Variants in NEU1 observed in about 807,000 individuals in gnomAD.
The protein encoded by NEU1 is neuraminidase 1.
In NEU1, 32 loss-of-function variants were observed where a neutral mutation model predicts 38.3. The observed-to-expected ratio is 0.84, with a 90% confidence interval of 0.63 to 1.12. NEU1 has a LOEUF of 1.12. Among genes scored for constraint, NEU1 ranks in the 50% most tolerant of loss-of-function variants. The pLI, the probability that NEU1 is intolerant of heterozygous loss-of-function variation, is 0.00. For missense variants in NEU1, 431 were observed against 549.2 expected (o/e 0.78, Z 2.15); for synonymous variants, 192 against 225.2 (o/e 0.85, Z 1.32).
chr6:31,862,810 G>C lies in NEU1; in HGVS notation c.-34C>G, dbSNP rs1051088449. 3.1e-6 allele frequency: 5 copies of C among 1,611,536 alleles called. No homozygotes were observed. The highest frequency in any genetic ancestry group is 2.2e-5 in the East Asian group (1 of 44,874). On this transcript the variant is annotated 5_prime_UTR_variant, in exon 1 of 6. Coordinates refer to ENST00000375631, the MANE Select transcript of NEU1 (RefSeq NM_000434.4). The surrounding 1 kb of genome is among the most constrained non-coding windows in gnomAD (Gnocchi z 6.3). ...GCAGCTGCCGCGACCCTGGCAGCTA[G>C]ACTCCACAGAGTCGGGAGTCAGCTG...
chr6:31,860,012 C>T lies in NEU1; in HGVS notation c.1021+30G>A, dbSNP rs774767826. On this transcript the variant is annotated intron_variant, in intron 5 of 5. Transcript: ENST00000375631. The surrounding 1 kb of genome is among the most constrained non-coding windows in gnomAD (Gnocchi z 4.8). ...AGGCCTTGTCTAGACACAGGGCTCT[C>T]CCTGCTGACCCCACCCATGAGGCAC... The T allele has an allele frequency of 6.2e-7, 1 of 1,612,806 alleles. No individual in the cohort carries two copies. The highest frequency in any genetic ancestry group is 2.2e-5 in the East Asian group (1 of 44,874).
chr6:31,862,621 A>G lies in NEU1; in HGVS notation c.156T>C (p.Gly52=), dbSNP rs770832801. The G allele has an allele frequency of 1.1e-4, 178 of 1,612,950 alleles. No homozygotes were observed. Among genetic ancestry groups the G allele is most frequent in the Non-Finnish European group, 1.4e-4 (168 of 1,180,032 alleles). The change falls in exon 1 of 6, where the codon GGT becomes GGC. Residue 52 remains glycine (G), a synonymous_variant. Coordinates refer to ENST00000375631, the MANE Select transcript of NEU1 (RefSeq NM_000434.4). This position sits in a 1 kb window ranked among gnomAD's most constrained non-coding sequence, Gnocchi z 6.3. ...ASWSKAENDF[G]LVQPLVTMEQ... ...GGCTATGCAAAGGGTGACTCACCAG[A>G]CCGAAGTCGTTCTCAGCCTTGGACC...
rs2151547234 is a variant in NEU1 at position 31,862,568 on chromosome 6, G to A, written c.159+50C>T. On this transcript the variant is annotated intron_variant, in intron 1 of 5. Coordinates refer to ENST00000375631, the MANE Select transcript of NEU1 (RefSeq NM_000434.4). The surrounding 1 kb of genome is among the most constrained non-coding windows in gnomAD (Gnocchi z 6.3). ...GCCCGCGTTCCGGGGGACACTAGGT[G>A]TCGATCACCTGCGCGGGTCGGGGAT... 1 of 1,612,584 alleles carries A rather than the reference G, an allele frequency of 6.2e-7. No individual in the cohort carries two copies. Among genetic ancestry groups the A allele is most frequent in the South Asian group, 1.1e-5 (1 of 91,060 alleles).
intron 2 of NEU1, 110 bp downstream of exon 2, chr6:31,861,889 G>T (rs1581822854): frequency 8.1e-7 from 1 of 1,230,048 alleles, no homozygotes; most frequent in Non-Finnish European, 1.2e-6. Context: ...ACCCCTCAGG[G>T]ACTCAGGCAA....
Position 31,862,031 on chromosome 6 carries a change from T to G in NEU1, c.320A>C (p.Lys107Thr). 1 of 1,613,068 alleles carries G rather than the reference T, an allele frequency of 6.2e-7. No individual in the cohort carries two copies. The highest frequency in any genetic ancestry group is 8.5e-7 in the Non-Finnish European group (1 of 1,180,022). ...CATGGACCTCCGCAGGGCGATGAAC[T>G]TGGCCCCCTCATCGGATGAGGACAT... ...RKMSSSDEGAKFIALRRSMDQ... is the reference protein window; with the variant it reads ...RKMSSSDEGATFIALRRSMDQ... Residue 107 changes from lysine (K) to threonine (T), a missense_variant, in exon 2 of 6, where the codon AAG becomes ACG. Transcript: ENST00000375631. This position sits in a 1 kb window ranked among gnomAD's most constrained non-coding sequence, Gnocchi z 6.3.
In NEU1 at chr6:31,860,045, A is replaced by G. The variant is rs1554252284; in HGVS notation, c.1018T>C (p.Phe340Leu). Residue 340 changes from phenylalanine (F) to leucine (L), a missense_variant, in exon 5 of 6, where the codon TTC (phenylalanine) becomes CTC (leucine). Transcript: ENST00000375631. The surrounding 1 kb of genome is among the most constrained non-coding windows in gnomAD (Gnocchi z 4.8). ...ACCCCACCCATGAGGCACTCACGGA[A>G]CTCTGGATGTGCTGGGTTGGAGAAG... ...VFFSNPAHPE[F>L]RVNLTLRWSF... 6.2e-7 allele frequency: 1 copy of G among 1,612,744 alleles called. No individual in the cohort carries two copies. Among genetic ancestry groups the G allele is most frequent in the East Asian group, 2.2e-5 (1 of 44,854 alleles).
Position 31,862,077 on chromosome 6 carries a change from C to T in NEU1, c.274G>A (p.Ala92Thr), listed in dbSNP as rs1242371867. The change falls in exon 2 of 6, where the codon GCC becomes ACC. Residue 92 changes from alanine (A) to threonine (T), a missense_variant. Physicochemically the swap from Ala to Thr is moderately conservative, Grantham distance 58. Coordinates refer to ENST00000375631, the MANE Select transcript of NEU1 (RefSeq NM_000434.4). The surrounding 1 kb of genome is among the most constrained non-coding windows in gnomAD (Gnocchi z 6.3). ...ITATPRGTLL[A>T]FAEARKMSSS... ...GACATTTTCCTCGCCTCAGCAAAGG[C>T]GAGAAGAGTGCCCCGCGGAGTGGCT... 4 of 1,612,960 alleles carry T rather than the reference C, an allele frequency of 2.5e-6. No individual in the cohort carries two copies. The highest frequency in any genetic ancestry group is 3.4e-6 in the Non-Finnish European group (4 of 1,180,038).
chr6:31,860,163 AT>A lies in NEU1; in HGVS notation c.899del (p.Asp300ValfsTer3). On this transcript the variant is annotated frameshift_variant, in exon 5 of 6. Transcript: ENST00000375631. LOFTEE classifies it high-confidence loss of function. The surrounding 1 kb of genome is among the most constrained non-coding windows in gnomAD (Gnocchi z 4.8). The part of the protein sequence containing the change: ...RIVLRSYDAC[D>X]TLRPRDVTFD... The stretch of plus-strand genomic sequence containing the variant: ...AGGTCACATCACGGGGCCTTAGTGT[AT>A]CACAGGCATCATAGCTGCGGAGGAC... 1 of 1,613,012 alleles carries A rather than the reference AT, an allele frequency of 6.2e-7. No homozygotes were observed. Among genetic ancestry groups the A allele is most frequent in the Non-Finnish European group, 8.5e-7 (1 of 1,180,014 alleles).
rs1762407019 is a variant in NEU1 at position 31,859,246 on chromosome 6, TTTGA to T, written c.*469_*472del. On this transcript the variant is annotated 3_prime_UTR_variant, in exon 6 of 6. Coordinates refer to ENST00000375631, the MANE Select transcript of NEU1 (RefSeq NM_000434.4). ...ATTAAAAATTTTAAGTTACAAACAT[TTTGA>T]TTGATAGTCAGTCATGGTGGTGCAC... 3.8e-6 allele frequency: 1 copy of T among 263,508 alleles called. No individual in the cohort carries two copies. Among genetic ancestry groups the T allele is most frequent in the Admixed American group, 4.9e-5 (1 of 20,316 alleles). 16.3% of individuals were successfully genotyped at this position (263,508 alleles called of 1,614,324 possible).
At position 31,858,084 on chromosome 6, in the gene NEU1, C is replaced by G. The variant is rs1007118120; in HGVS notation, c.*1635G>C. 3.3e-5 allele frequency: 5 copies of G among 152,028 alleles called. No individual in the cohort carries two copies. Among genetic ancestry groups the G allele is most frequent in the African/African-American group, 1.2e-4 (5 of 41,382 alleles). The allele number at this position is 152,028 out of a possible 1,614,324, so 9.4% of individuals were successfully genotyped here. A position where few individuals can be genotyped will look rare whatever the true frequency, so the allele number is the denominator to read the frequency against. On this transcript the variant is annotated 3_prime_UTR_variant, in exon 6 of 6. Transcript: ENST00000375631. The stretch of plus-strand genomic sequence containing the variant: ...TTCACCATATTGGCCAGGCTGGTCT[C>G]GAACTCCTGACCTTGTGATCCGCCC...
At position 31,860,059 on chromosome 6, in the gene NEU1, G is replaced by C. The variant is rs749996046; in HGVS notation, c.1004C>G (p.Pro335Arg). ...GCACTCACGGAACTCTGGATGTGCT[G>C]GGTTGGAGAAGAAGACAATGCCGGA... ...TSSGIVFFSN[P>R]AHPEFRVNLT... The change falls in exon 5 of 6, where the codon CCA becomes CGA. Residue 335 changes from proline (P) to arginine (R), a missense_variant. Pro to Arg is a moderately radical substitution (Grantham distance 103). Transcript: ENST00000375631. The surrounding 1 kb of genome is among the most constrained non-coding windows in gnomAD (Gnocchi z 4.8). The C allele has an allele frequency of 6.2e-7, 1 of 1,612,968 alleles. No individual in the cohort carries two copies. The highest frequency in any genetic ancestry group is 2.2e-5 in the East Asian group (1 of 44,868).
chr6:31,861,873 C>A, intron 2 of NEU1, 126 bp downstream of exon 2: 2 of 1,041,028 alleles, frequency 1.9e-6, no homozygotes, highest in Non-Finnish European at 3.0e-6. Context: ...TTCTCGGGTT[C>A]CCTCTACCCC....
In NEU1 at chr6:31,859,138, C is replaced by T. The variant is rs551222239; in HGVS notation, c.*581G>A. Reference sequence around the variant, plus strand: ...GGTCTCTCCCCAGAACTCACCCAGGCTCACAAGGATACATGAGGAAAACAG... The same window carrying T: ...GGTCTCTCCCCAGAACTCACCCAGGTTCACAAGGATACATGAGGAAAACAG... On this transcript the variant is annotated 3_prime_UTR_variant, in exon 6 of 6. Coordinates refer to ENST00000375631, the MANE Select transcript of NEU1 (RefSeq NM_000434.4). 244 of 186,712 alleles carry T rather than the reference C, an allele frequency of 1.3e-3. 2 individuals carry two copies. In the South Asian group the frequency reaches 0.023, roughly 17 times the overall value. 11.6% of individuals were successfully genotyped at this position (186,712 alleles called of 1,614,324 possible). A position where few individuals can be genotyped will look rare whatever the true frequency, so the allele number is the denominator to read the frequency against.
chr6:31,861,289 C>A lies in NEU1; in HGVS notation c.514G>T (p.Val172Leu). Residue 172 changes from valine to leucine, a missense_variant, in exon 3 of 6, where the codon GTA becomes TTA. Val to Leu is a conservative substitution (Grantham distance 32). Transcript: ENST00000375631. ...AGCQVASTMLVWSKDDGVSWS... is the reference protein window; with the variant it reads ...AGCQVASTMLLWSKDDGVSWS... ...GAAACACCATCATCCTTGCTCCATA[C>A]CAACATGGTAGAGGCCACCTGGCAG... 6.2e-6 allele frequency: 10 copies of A among 1,613,032 alleles called. No homozygotes were observed. Among genetic ancestry groups the A allele is most frequent in the Non-Finnish European group, 8.5e-6 (10 of 1,180,026 alleles).
At position 31,860,493 on chromosome 6, in the gene NEU1, G is replaced by A. The variant is rs777597435; in HGVS notation, c.744C>T (p.Gly248=). 1 of 1,613,976 alleles carries A rather than the reference G, an allele frequency of 6.2e-7. No individual in the cohort carries two copies. Among genetic ancestry groups the A allele is most frequent in the Non-Finnish European group, 8.5e-7 (1 of 1,179,998 alleles). Residue 248 remains glycine (G), a synonymous_variant, in exon 4 of 6, where the codon GGC becomes GGT. Coordinates refer to ENST00000375631, the MANE Select transcript of NEU1 (RefSeq NM_000434.4). The surrounding 1 kb of genome is among the most constrained non-coding windows in gnomAD (Gnocchi z 4.8). ...CCTGCTTGGGCTGACCGTAGGGGAT[G>A]CCGCTGACCCCACTTCCGTAGCGCC... ...ASWRYGSGVS[G]IPYGQPKQEN...
Position 31,860,624 on chromosome 6 carries a change from G to A in NEU1, c.616-3C>T, listed in dbSNP as rs773971371. ...CCCTTCCGTGGCTCCCGCTGTTTCTGTGGGAAAGGGAACTGGGTGTCACAG... is the reference window on the plus strand; with the variant it reads ...CCCTTCCGTGGCTCCCGCTGTTTCTATGGGAAAGGGAACTGGGTGTCACAG... On this transcript the variant is annotated splice_polypyrimidine_tract_variant and splice_region_variant and intron_variant, in intron 3 of 5. Coordinates refer to ENST00000375631, the MANE Select transcript of NEU1 (RefSeq NM_000434.4). This position sits in a 1 kb window ranked among gnomAD's most constrained non-coding sequence, Gnocchi z 4.8. The A allele has an allele frequency of 2.5e-6, 4 of 1,613,346 alleles. No homozygotes were observed. The highest frequency in any genetic ancestry group is 4.5e-5 in the East Asian group (2 of 44,878).
rs776831674 is a variant in NEU1, at chr6:31,862,726, C to T, written c.51G>A (p.Pro17=). Residue 17 remains proline (P), a synonymous_variant, in exon 1 of 6, where the codon CCG becomes CCA. Coordinates refer to ENST00000375631, the MANE Select transcript of NEU1 (RefSeq NM_000434.4). The surrounding 1 kb of genome is among the most constrained non-coding windows in gnomAD (Gnocchi z 6.3). ...AGCCTCCCCAGAAGCCCAGAATCCG[C>T]GGCCCCCAGCGTCTGTCCGGGAGCG... ...STALPDRRWG[P]RILGFWGGCR... The T allele has an allele frequency of 5.6e-6, 9 of 1,613,026 alleles. No individual in the cohort carries two copies. The highest frequency in any genetic ancestry group is 1.6e-4 in the Middle Eastern group (1 of 6,062).
At position 31,861,453 on chromosome 6, in the gene NEU1, G is replaced by A. The variant is rs563887033; in HGVS notation, c.353-3C>T. ...CGCTGTAGGAGACCATGTGCTGCCT[G>A]AAAAAAATTGGAGGAAGAAACCCAG... On this transcript the variant is annotated splice_region_variant and splice_polypyrimidine_tract_variant and intron_variant, in intron 2 of 5. Coordinates refer to ENST00000375631, the MANE Select transcript of NEU1 (RefSeq NM_000434.4). 2.5e-6 allele frequency: 4 copies of A among 1,612,772 alleles called. No individual in the cohort carries two copies. In the South Asian group the frequency reaches 4.4e-5, roughly 18 times the overall value.
rs1762474400 is a variant in NEU1, at chr6:31,860,613, C to T, written c.624G>A (p.Arg208=). 6.2e-7 allele frequency: 1 copy of T among 1,613,492 alleles called. No individual in the cohort carries two copies. The highest frequency in any genetic ancestry group is 1.7e-5 in the Admixed American group (1 of 59,992). Residue 208 remains arginine, a synonymous_variant, in exon 4 of 6, where the codon CGG becomes CGA. Coordinates refer to ENST00000375631, the MANE Select transcript of NEU1 (RefSeq NM_000434.4). The surrounding 1 kb of genome is among the most constrained non-coding windows in gnomAD (Gnocchi z 4.8). ...PGPGSGIQKQ[R]EPRKGRLIVC... ...CGATGAGGCGGCCCTTCCGTGGCTC[C>T]CGCTGTTTCTGTGGGAAAGGGAACT...
Sources: gnomAD v4.1 joint callset for allele counts on GRCh38, gnomAD v4.1.1 for gene constraint, Gnocchi (gnomAD v3.1) non-coding constraint, MANE v1.5 for transcripts, NCBI Gene and HGNC (gene_info 2026-07-23, HGNC 2026-07-21) for gene names.